POFUT3: variants seen among roughly 807,000 people sequenced by gnomAD.
POFUT3 encodes GDP-fucose protein O-fucosyltransferase 3.
At chr8:33,462,160 AG>A in the POFUT3 span, among the ~76,000 whole-genome samples, 16 of 7,262 alleles carry the variant, frequency 2.2e-3, no homozygotes, top group East Asian at 4.0e-3. Context: ...AGGGGAGGGA[AG>A]GGGAAGGGAC....
chr8:33,380,763 G>T, the POFUT3 span, among the ~76,000 whole-genome samples: 1 of 151,512 alleles, frequency 6.6e-6, no homozygotes, highest in Admixed American at 6.6e-5. Context: ...CTTGAGTCCA[G>T]CAGTTCAAGA....
chr8:33,420,908 G>A, the POFUT3 span, among the ~76,000 whole-genome samples: 989 of 151,258 alleles, frequency 6.5e-3, 13 homozygotes, highest in African/African-American at 0.023. Context: ...CCATGAATAT[G>A]TAAAATTATT....
At chr8:33,445,872 T>A in the POFUT3 span, among the ~76,000 whole-genome samples, 1 of 152,086 alleles carries the variant, frequency 6.6e-6, no homozygotes, top group Non-Finnish European at 1.5e-5. Flanking sequence ...CAAGGAAATT[T>A]CAAATGCCAG....
the POFUT3 span, chr8:33,361,051 G>A: frequency 6.6e-6 from 1 of 152,184 alleles, no homozygotes; most frequent in African/African-American, 2.4e-5. Context: ...CATGGTGAAT[G>A]AGTCTTCTTA....
chr8:33,389,088 G>T, the POFUT3 span: 4 of 1,614,128 alleles, frequency 2.5e-6, no homozygotes, highest in African/African-American at 1.3e-5. Flanking sequence ...GTCAGAAGTC[G>T]CTGGTTAGAG....
the POFUT3 span, among the ~76,000 whole-genome samples, chr8:33,426,766 G>A: frequency 7.2e-5 from 11 of 152,196 alleles, no homozygotes; most frequent in South Asian, 6.2e-4. Flanking sequence ...CCTGGAAGCC[G>A]TGTAATTTCT....
the POFUT3 span, chr8:33,452,982 AC>A: frequency 2.1e-6 from 1 of 467,556 alleles, no homozygotes; most frequent in Non-Finnish European, 3.8e-6. Flanking sequence ...CCCTTATCCA[AC>A]CCTTCAGAGA....
the POFUT3 span, among the ~76,000 whole-genome samples, chr8:33,444,207 A>C: frequency 6.6e-6 from 1 of 151,916 alleles, no homozygotes; most frequent in African/African-American, 2.4e-5. Context: ...TGTCAGAGAG[A>C]AGGAGAGGAT....
chr8:33,462,259 G>C, the POFUT3 span, among the ~76,000 whole-genome samples: 1 of 147,138 alleles, frequency 6.8e-6, no homozygotes, highest in East Asian at 2.1e-4. Flanking sequence ...CTCAAATTCT[G>C]CTTCCACTTA....
At chr8:33,317,599 G>A in the POFUT3 span, among the ~76,000 whole-genome samples, 1 of 152,116 alleles carries the variant, frequency 6.6e-6, no homozygotes, top group Non-Finnish European at 1.5e-5. Context: ...TATAAGCCCT[G>A]TCTTTTAAAA....
the POFUT3 span, among the ~76,000 whole-genome samples, chr8:33,337,960 T>C: frequency 6.6e-6 from 1 of 152,208 alleles, no homozygotes; most frequent in East Asian, 1.9e-4. Flanking sequence ...TTCCTTTCTG[T>C]CTTTTTTGAT....
chr8:33,362,307 G>GA, the POFUT3 span, among the ~76,000 whole-genome samples: 103 of 151,494 alleles, frequency 6.8e-4, no homozygotes, highest in Middle Eastern at 6.8e-3. Flanking sequence ...CAAGCCACGG[G>GA]AAAAAAAAGG....
chr8:33,319,974 G>C, the POFUT3 span, among the ~76,000 whole-genome samples: 1 of 150,536 alleles, frequency 6.6e-6, no homozygotes, highest in African/African-American at 2.4e-5. Context: ...AGTTACTAAG[G>C]ATGTACTATG....
chr8:33,328,474 G>A, the POFUT3 span, among the ~76,000 whole-genome samples: 1 of 152,128 alleles, frequency 6.6e-6, no homozygotes. Context: ...CTGCAGCTCT[G>A]CCCAGAGCTT....
At chr8:33,350,827 A>C in the POFUT3 span, among the ~76,000 whole-genome samples, 1 of 152,208 alleles carries the variant, frequency 6.6e-6, no homozygotes, top group African/African-American at 2.4e-5. Context: ...TTGACTGCAA[A>C]GAGAAACTAA....
At chr8:33,418,042 C>G in the POFUT3 span, among the ~76,000 whole-genome samples, 1 of 152,152 alleles carries the variant, frequency 6.6e-6, no homozygotes, top group Non-Finnish European at 1.5e-5. Flanking sequence ...GAGCTCACAC[C>G]GGGGTCCAAC....
the POFUT3 span, among the ~76,000 whole-genome samples, chr8:33,444,140 A>G: frequency 6.6e-6 from 1 of 152,036 alleles, no homozygotes; most frequent in Non-Finnish European, 1.5e-5. Context: ...AGGGTTATGA[A>G]GAAAGAAAAT....
chr8:33,372,626 T>A, the POFUT3 span: 24 of 1,613,946 alleles, frequency 1.5e-5, no homozygotes, highest in Admixed American at 1.2e-4. Context: ...AAAGTTTTGA[T>A]TCCTATCAAC....
chr8:33,409,749 C>T, the POFUT3 span, among the ~76,000 whole-genome samples: 1 of 151,998 alleles, frequency 6.6e-6, no homozygotes, highest in African/African-American at 2.4e-5. Context: ...ACTAAAAATA[C>T]AAAAAATTAG....
Sources: allele counts gnomAD v4.1 joint callset (sites outside exome capture counted in the v4.1 genomes callset), GRCh38; gene constraint gnomAD v4.1.1; transcripts MANE v1.5; gene names NCBI Gene and HGNC (gene_info 2026-07-23, HGNC 2026-07-21).